The following ARHGAP24 variants were observed in gnomAD, a reference collection of about 807,000 sequenced individuals.
ARHGAP24 encodes the protein Rho GTPase activating protein 24.
A neutral mutation model predicts 76.4 loss-of-function variants in ARHGAP24; 50 were observed. The observed-to-expected ratio is 0.65, with a 90% CI of 0.52 to 0.83. The LOEUF is 0.83. ARHGAP24 is among the 40% of genes least tolerant of loss of function. ARHGAP24 has a pLI of 0.00. For missense variants in ARHGAP24, 930 were observed against 914.2 expected, an observed-to-expected ratio of 1.02 and a Z score of -0.22; for synonymous variants, 345 against 323.3, an observed-to-expected ratio of 1.07 and a Z score of -0.72.
chr4:85,773,485 G>C (rs540014935), intron 3 of ARHGAP24, among the ~76,000 whole-genome samples: 1 of 152,218 alleles, frequency 6.6e-6, no homozygotes, highest in South Asian at 2.1e-4. Flanking sequence ...TACTTGGAAT[G>C]TTAATCCTCT....
chr4:85,896,507 G>A (rs1734186762), intron 3 of ARHGAP24, among the ~76,000 whole-genome samples: 1 of 152,150 alleles, frequency 6.6e-6, no homozygotes, highest in Non-Finnish European at 1.5e-5. Flanking sequence ...TGGCTAATGG[G>A]TAGAATATAC....
At chr4:85,622,732 A>C (rs1297263348) in intron 2 of ARHGAP24, among the ~76,000 whole-genome samples, 1 of 152,094 alleles carries the variant, frequency 6.6e-6, no homozygotes, top group Non-Finnish European at 1.5e-5. Context: ...AAGTGTTCCT[A>C]TTTCTCCACA....
intron 3 of ARHGAP24, among the ~76,000 whole-genome samples, chr4:85,758,066 A>G (rs1325357674): frequency 6.6e-6 from 1 of 152,036 alleles, no homozygotes; most frequent in Non-Finnish European, 1.5e-5. Flanking sequence ...GAAGGGGGAA[A>G]AAAAAGCCTA....
intron 3 of ARHGAP24, among the ~76,000 whole-genome samples, chr4:85,789,727 A>ATTC (rs1728030823): frequency 6.6e-6 from 1 of 152,172 alleles, no homozygotes; most frequent in African/African-American, 2.4e-5. Context: ...AGTTGATGCC[A>ATTC]ACCGTTCCAG....
intron 1 of ARHGAP24, among the ~76,000 whole-genome samples, chr4:85,487,691 AAT>A (rs1264548145): frequency 9.4e-6 from 1 of 106,312 alleles, no homozygotes; most frequent in Non-Finnish European, 1.7e-5. Flanking sequence ...ATATTATATA[AAT>A]ATATATTTAT....
intron 1 of ARHGAP24, among the ~76,000 whole-genome samples, chr4:85,516,120 A>T (rs183963249): frequency 1.8e-3 from 281 of 152,172 alleles, no homozygotes; most frequent in African/African-American, 6.6e-3. Context: ...TTCCTCCAGC[A>T]CCCCAAAGAT....
In ARHGAP24 at chr4:85,977,706, A is replaced by G. The variant is rs1739424491; in HGVS notation, c.928+15A>G. On this transcript the variant is annotated intron_variant, in intron 8 of 9. Transcript: ENST00000395184. ...TATCATGGAGGGTAAGTAAATGATT[A>G]TCTTATACCCTTATCAAAAGAAGAA... 2 of 1,612,828 alleles carry G rather than the reference A, an allele frequency of 1.2e-6. No homozygotes were observed. Among genetic ancestry groups the G allele is most frequent in the Non-Finnish European group, 1.7e-6 (2 of 1,179,018 alleles).
intron 3 of ARHGAP24, among the ~76,000 whole-genome samples, chr4:85,897,907 G>T (rs866578243): frequency 2.0e-5 from 3 of 151,660 alleles, no homozygotes; most frequent in African/African-American, 7.3e-5. Flanking sequence ...GTGTGGCTGC[G>T]TCCATTGTGA....
chr4:85,804,597 A>T (rs1318474856), intron 3 of ARHGAP24, among the ~76,000 whole-genome samples: 3 of 152,236 alleles, frequency 2.0e-5, no homozygotes, highest in Non-Finnish European at 4.4e-5. Context: ...AAATCCAATT[A>T]CTAAGTCAGA....
chr4:85,827,041 C>T (rs879413782), intron 3 of ARHGAP24, among the ~76,000 whole-genome samples: 2 of 152,066 alleles, frequency 1.3e-5, no homozygotes, highest in South Asian at 2.1e-4. Flanking sequence ...TTTATTAACA[C>T]GTTTGTATCT....
At position 85,994,749 on chromosome 4, in the gene ARHGAP24, C is replaced by T. The variant is rs368115839; in HGVS notation, c.1095C>T (p.Asn365=). 6.2e-7 allele frequency: 1 copy of T among 1,614,090 alleles called. No individual in the cohort carries two copies. The highest frequency in any genetic ancestry group is 1.3e-5 in the African/African-American group (1 of 75,012). Residue 365 remains asparagine (N), a synonymous_variant, in exon 9 of 10, where the codon AAC becomes AAT. Coordinates refer to ENST00000395184, the MANE Select transcript of ARHGAP24 (RefSeq NM_001025616.3). ...AGTTACAGAACAAGGAGAACAATAA[C>T]ACCAAGGACAGCCCTAGTAGGCAGT... The part of the protein sequence containing the change: ...MGQLQNKENN[N]TKDSPSRQCS...
chr4:85,619,816 C>T lies in ARHGAP24; in HGVS notation c.180+49095C>T, dbSNP rs553159700. On this transcript the variant is annotated intron_variant, in intron 2 of 9. Transcript: ENST00000395184. The stretch of plus-strand genomic sequence containing the variant: ...TGTTGATTTTGTATCCTGCAACTTA[C>T]GAAATTCATTTATTAGTTGTAATAT... Among the ~76,000 whole-genome samples, 25 of 151,726 alleles carry T rather than the reference C, an allele frequency of 1.6e-4. 1 individual carries two copies. Among genetic ancestry groups the T allele is most frequent in the East Asian group, 1.5e-3 (8 of 5,180 alleles).
At chr4:85,575,707 G>A (rs1374701677) in intron 2 of ARHGAP24, among the ~76,000 whole-genome samples, 2 of 152,174 alleles carry the variant, frequency 1.3e-5, no homozygotes, top group East Asian at 3.8e-4. Flanking sequence ...CAATTGTGCA[G>A]GTTTTGTTAA....
intron 3 of ARHGAP24, among the ~76,000 whole-genome samples, chr4:85,867,665 C>G (rs1308061337): frequency 1.3e-4 from 19 of 151,522 alleles, no homozygotes; most frequent in Admixed American, 1.3e-3. Flanking sequence ...AGCTCCCCTT[C>G]TTTTTTGGAA....
intron 2 of ARHGAP24, among the ~76,000 whole-genome samples, chr4:85,687,298 CA>C (rs971382633): frequency 2.6e-5 from 4 of 152,036 alleles, no homozygotes; most frequent in African/African-American, 9.7e-5. Flanking sequence ...ATTTTAGATA[CA>C]GGGGGTACAT....
chr4:85,588,941 A>G (rs1218807902), intron 2 of ARHGAP24, among the ~76,000 whole-genome samples: 1 of 152,208 alleles, frequency 6.6e-6, no homozygotes, highest in Non-Finnish European at 1.5e-5. Context: ...GAGAAGCATA[A>G]AAAGTTGGCT....
chr4:85,695,816 G>A (rs1578147533), intron 2 of ARHGAP24, among the ~76,000 whole-genome samples: 1 of 152,260 alleles, frequency 6.6e-6, no homozygotes, highest in East Asian at 1.9e-4. Context: ...AATATACTAT[G>A]CAGTGTTTGT....
At chr4:85,821,751 A>T (rs1447450299) in intron 3 of ARHGAP24, among the ~76,000 whole-genome samples, 1 of 152,172 alleles carries the variant, frequency 6.6e-6, no homozygotes, top group Non-Finnish European at 1.5e-5. Flanking sequence ...CCAAGATGAG[A>T]TTTAGAATAA....
chr4:85,992,673 A>C (rs914484866), intron 8 of ARHGAP24, among the ~76,000 whole-genome samples: 1 of 152,324 alleles, frequency 6.6e-6, no homozygotes, highest in South Asian at 2.1e-4. Flanking sequence ...CACAGTACAC[A>C]AGTTTGACAG....
Sources: gnomAD v4.1 joint callset for allele counts (sites outside exome capture counted in the v4.1 genomes callset) on GRCh38, gnomAD v4.1.1 for gene constraint, MANE v1.5 for transcripts, NCBI Gene and HGNC (gene_info 2026-07-23, HGNC 2026-07-21) for gene names.